Variants in ODAD2 observed in about 807,000 individuals in gnomAD.
ODAD2 encodes outer dynein arm-docking complex subunit 2.
ODAD2 carries 89 observed loss-of-function variants against 106.8 expected under a neutral mutation model. The ratio of observed to expected loss-of-function variants is 0.83; its 90% CI spans 0.70 to 0.99. The LOEUF (loss-of-function observed/expected upper bound fraction) is 0.99, where lower values mean the gene tolerates loss of function less well. Ranked by LOEUF, ODAD2 falls within the 50% of genes least tolerant of loss-of-function variation. The pLI, the probability that ODAD2 is intolerant of heterozygous loss-of-function variation, is 0.00. For synonymous variants in ODAD2, 404 were observed against 436.2 expected (o/e 0.93, Z 0.92); for missense variants, 1,168 against 1,238.5 (o/e 0.94, Z 0.85).
rs1850472053 is a variant in ODAD2, at chr10:27,995,032, A to G, written c.111T>C (p.Phe37=). The G allele has an allele frequency of 1.9e-6, 3 of 1,614,226 alleles. No homozygotes were observed. Among genetic ancestry groups the G allele is most frequent in the Non-Finnish European group, 2.5e-6 (3 of 1,180,038 alleles). ...GATGTTTATAGATAAAACTCTCCAC[A>G]AACACAATAATTTCTTTCAATATCG... ...NEAILKEIIV[F]VESFIYKHPQ... The change falls in exon 2 of 20, where the codon TTT becomes TTC. Residue 37 remains phenylalanine (F), a synonymous_variant. Transcript: ENST00000305242.
chr10:27,844,235 T>C (rs142055856), intron 19 of ODAD2, among the ~76,000 whole-genome samples: 1 of 152,198 alleles, frequency 6.6e-6, no homozygotes, highest in African/African-American at 2.4e-5. Flanking sequence ...TAAGAATATA[T>C]ACCAGCTGCA....
At chr10:27,813,406 G>A (rs1835891265) in intron 19 of ODAD2, 1 of 152,140 alleles carries the variant, frequency 6.6e-6, no homozygotes, top group Non-Finnish European at 1.5e-5. Context: ...CAGATAATTG[G>A]CTTAATGCTT....
intron 19 of ODAD2, among the ~76,000 whole-genome samples, chr10:27,815,719 T>C (rs1482730519): frequency 3.3e-5 from 5 of 152,174 alleles, no homozygotes; most frequent in Admixed American, 2.6e-4. Context: ...TTAGAGTTCA[T>C]CAGAACAAAT....
At chr10:27,846,082 A>T (rs2133167360) in intron 19 of ODAD2, among the ~76,000 whole-genome samples, 1 of 152,346 alleles carries the variant, frequency 6.6e-6, no homozygotes, top group South Asian at 2.1e-4. Context: ...CCTAATAGAC[A>T]TCCACAGAAC....
intron 19 of ODAD2, among the ~76,000 whole-genome samples, chr10:27,816,746 G>GTTTT (rs1489863655): frequency 6.6e-5 from 10 of 152,232 alleles, no homozygotes; most frequent in African/African-American, 2.4e-4. Context: ...TTGTTATGCA[G>GTTTT]TTTTTTGTTT....
intron 19 of ODAD2, among the ~76,000 whole-genome samples, chr10:27,822,664 T>C (rs1836704432): frequency 6.6e-6 from 1 of 152,172 alleles, no homozygotes; most frequent in Non-Finnish European, 1.5e-5. Flanking sequence ...ACATGACAGC[T>C]CACCAAAGCC....
At position 27,913,449 on chromosome 10, in the gene ODAD2, A is replaced by C. The variant is rs538907988; in HGVS notation, c.2496-5672T>G. ...TCTCCAGCTCTATGCATGTTGTTGC[A>C]AAAACAATTACAACAGAATAAAAAT... On this transcript the variant is annotated intron_variant, in intron 16 of 19. Transcript: ENST00000305242. Among the ~76,000 whole-genome samples the C allele has an allele frequency of 4.6e-5, 7 of 152,272 alleles. No individual in the cohort carries two copies. The South Asian group carries it at 6.2e-4, about 14-fold the overall frequency.
At chr10:27,816,531 C>T (rs938634197) in intron 19 of ODAD2, among the ~76,000 whole-genome samples, 4 of 152,098 alleles carry the variant, frequency 2.6e-5, no homozygotes, top group African/African-American at 9.7e-5. Flanking sequence ...AAACAGGAGG[C>T]TACTGATCAC....
intron 1 of ODAD2, among the ~76,000 whole-genome samples, chr10:27,996,783 T>C (rs1208043792): frequency 6.6e-6 from 1 of 152,174 alleles, no homozygotes; most frequent in Non-Finnish European, 1.5e-5. Flanking sequence ...ATTTGAGAAA[T>C]TTAAGTTGCA....
intron 19 of ODAD2, among the ~76,000 whole-genome samples, chr10:27,821,216 G>C (rs1014753125): frequency 9.2e-5 from 14 of 152,136 alleles, no homozygotes; most frequent in South Asian, 4.1e-4. Context: ...TGTGCTCCGG[G>C]TATGAATATT....
chr10:27,982,663 C>T (rs1414513362), intron 6 of ODAD2, among the ~76,000 whole-genome samples: 6 of 152,110 alleles, frequency 3.9e-5, no homozygotes, highest in African/African-American at 1.4e-4. Context: ...CAACCCAAGC[C>T]AACATGTAAC....
At chr10:27,890,674 G>A (rs1335488428) in intron 17 of ODAD2, among the ~76,000 whole-genome samples, 2 of 151,736 alleles carry the variant, frequency 1.3e-5, no homozygotes, top group African/African-American at 4.8e-5. Flanking sequence ...TATGGCCAGT[G>A]ATTCTTTCGG....
At chr10:27,920,240 C>T (rs1481884645) in intron 16 of ODAD2, among the ~76,000 whole-genome samples, 2 of 152,076 alleles carry the variant, frequency 1.3e-5, no homozygotes, top group African/African-American at 4.8e-5. Context: ...CAATAATTTA[C>T]TAATGTGTTA....
chr10:27,866,852 A>G (rs1207076221), intron 17 of ODAD2, among the ~76,000 whole-genome samples: 1 of 152,046 alleles, frequency 6.6e-6, no homozygotes, highest in East Asian at 1.9e-4. Context: ...CTCCCATTAG[A>G]CCCCACTCCA....
chr10:27,944,835 G>C lies in ODAD2; in HGVS notation c.1514C>G (p.Thr505Ser), dbSNP rs1205153173. Residue 505 changes from threonine (T) to serine (S), a missense_variant, in exon 11 of 20, where the codon ACC becomes AGC. Thr to Ser is a moderately conservative substitution (Grantham distance 58). Around this residue, in one of 3 missense-constraint regions of ODAD2, gnomAD observed 701 missense variants for 712.3 expected, o/e 0.98. Coordinates refer to ENST00000305242, the MANE Select transcript of ODAD2 (RefSeq NM_018076.5). ...GLEVLINLLETDEVKCKIGSL... is the reference protein window; with the variant it reads ...GLEVLINLLESDEVKCKIGSL... The stretch of plus-strand genomic sequence containing the variant: ...ACTCACCTTACATTTGACTTCATCG[G>C]TTTCAAGCAAATTTATCAGCACTTC... The C allele has an allele frequency of 1.4e-5, 22 of 1,614,100 alleles. No homozygotes were observed. The highest frequency in any genetic ancestry group is 1.7e-5 in the Non-Finnish European group (20 of 1,179,996).
chr10:27,902,879 G>T (rs1381688915), intron 17 of ODAD2, among the ~76,000 whole-genome samples: 1 of 152,108 alleles, frequency 6.6e-6, no homozygotes, highest in Admixed American at 6.6e-5. Context: ...ACAAAGAGGA[G>T]CTGGGACCAT....
intron 7 of ODAD2, among the ~76,000 whole-genome samples, chr10:27,976,439 C>T (rs771703533): frequency 2.0e-5 from 3 of 151,930 alleles, no homozygotes; most frequent in Non-Finnish European, 4.4e-5. Flanking sequence ...ATACAAAAAT[C>T]AAGTGTATAT....
intron 2 of ODAD2, among the ~76,000 whole-genome samples, chr10:27,992,876 G>T (rs1391951744): frequency 6.6e-6 from 1 of 152,100 alleles, no homozygotes; most frequent in Non-Finnish European, 1.5e-5. Context: ...AAACAATCAT[G>T]ATATTCTTTT....
At chr10:27,879,078 A>G (rs1841539742) in intron 17 of ODAD2, among the ~76,000 whole-genome samples, 1 of 152,138 alleles carries the variant, frequency 6.6e-6, no homozygotes, top group African/African-American at 2.4e-5. Flanking sequence ...AATCACAAGA[A>G]AAGCAAAAAA....
Sources: gnomAD v4.1 joint callset for allele counts (sites outside exome capture counted in the v4.1 genomes callset) on GRCh38, gnomAD v4.1.1 for gene constraint, gnomAD v4.1.1 regional missense constraint, MANE v1.5 for transcripts, NCBI Gene and HGNC (gene_info 2026-07-23, HGNC 2026-07-21) for gene names.